The following IREB2 variants were observed in gnomAD, a reference collection of about 807,000 sequenced individuals.
The protein encoded by IREB2 is iron responsive element binding protein 2, also known as iron-responsive element-binding protein 2.
Under a neutral mutation model 118.8 loss-of-function variants are expected in IREB2, and 39 were observed. The observed-to-expected ratio is 0.33, with a 90% CI of 0.25 to 0.43. IREB2 has a LOEUF of 0.43. Ranked by LOEUF, IREB2 falls within the 20% of genes least tolerant of loss-of-function variation. IREB2 has a pLI of 1.00. For missense variants in IREB2, 900 were observed against 1,147.3 expected (o/e 0.78, Z 3.11); for synonymous variants, 372 against 392.2 (o/e 0.95, Z 0.61).
At chr15:78,487,575 G>C (rs1364452861) in intron 13 of IREB2, among the ~76,000 whole-genome samples, 158 bp from the exon 14 acceptor site, 1 of 152,282 alleles carries the variant, frequency 6.6e-6, no homozygotes, top group African/African-American at 2.4e-5. Flanking sequence ...TGATTGCTCA[G>C]AATCTTCTGA....
chr15:78,473,564 A>T, intron 8 of IREB2, 183 bp downstream of exon 8: 1 of 567,310 alleles, frequency 1.8e-6, no homozygotes, highest in Non-Finnish European at 3.1e-6. Flanking sequence ...ACTAATAAAT[A>T]CAAAGAAATT....
chr15:78,450,975 A>G (rs1024191477), intron 2 of IREB2, among the ~76,000 whole-genome samples: 1 of 151,880 alleles, frequency 6.6e-6, no homozygotes, highest in African/African-American at 2.4e-5. Flanking sequence ...AGACTGTAGA[A>G]GCTTATTTCA....
rs1213369386 is a variant in IREB2, at chr15:78,484,839, A to G, written c.1492A>G (p.Lys498Glu). The change falls in exon 12 of 22, where the codon AAG becomes GAG. Residue 498 changes from lysine to glutamate, a missense_variant. Coordinates refer to ENST00000258886, the MANE Select transcript of IREB2 (RefSeq NM_004136.4). ...CATTCATTATGAAGGAAGTGAATAT[A>G]AGCTGTCTCATGGATCAGTGGTCAT... ...VSIHYEGSEYKLSHGSVVIAA... is the reference protein window; with the variant it reads ...VSIHYEGSEYELSHGSVVIAA... The G allele has an allele frequency of 6.2e-7, 1 of 1,613,600 alleles. No individual in the cohort carries two copies. Among genetic ancestry groups the G allele is most frequent in the Non-Finnish European group, 8.5e-7 (1 of 1,179,556 alleles).
At chr15:78,463,733 C>CTT (rs1375875069) in intron 3 of IREB2, among the ~76,000 whole-genome samples, 1 of 152,126 alleles carries the variant, frequency 6.6e-6, no homozygotes, top group Non-Finnish European at 1.5e-5. Context: ...GGCGAGAGTG[C>CTT]AGTAATGCAG....
chr15:78,446,139 G>C (rs1567162017), intron 2 of IREB2, among the ~76,000 whole-genome samples: 2 of 152,172 alleles, frequency 1.3e-5, no homozygotes, highest in Admixed American at 1.3e-4. Flanking sequence ...TTGCCGGTCT[G>C]GTGATCTTGC....
chr15:78,449,326 G>T (rs1206680603), intron 2 of IREB2, among the ~76,000 whole-genome samples: 1 of 152,182 alleles, frequency 6.6e-6, no homozygotes, highest in Non-Finnish European at 1.5e-5. Flanking sequence ...CTAAGTGGTG[G>T]AACAGAAGCA....
At chr15:78,462,872 T>A in intron 2 of IREB2, 50 bp from the exon 3 acceptor site, 1 of 1,341,226 alleles carries the variant, frequency 7.5e-7, no homozygotes, top group South Asian at 1.6e-5. Context: ...TTAAAAATAA[T>A]ATATAGGTAT....
intron 13 of IREB2, among the ~76,000 whole-genome samples, chr15:78,486,466 G>A (rs766464617): frequency 7.2e-5 from 11 of 152,142 alleles, no homozygotes; most frequent in Non-Finnish European, 1.3e-4. Flanking sequence ...TTAGCCAGGC[G>A]TGGTGACGCA....
rs1185793278 is a variant in IREB2 at position 78,493,949 on chromosome 15, G to A, written c.2365G>A (p.Gly789Ser). The change falls in exon 19 of 22, where the codon GGT (glycine) becomes AGT (serine). Residue 789 changes from glycine (G) to serine (S), a missense_variant. Gly to Ser is a moderately conservative substitution (Grantham distance 56). Coordinates refer to ENST00000258886, the MANE Select transcript of IREB2 (RefSeq NM_004136.4). ...ATTCAACTCTTACGGAGCTCGAAGA[G>A]GTAATGATGCTGTAATGACAAGAGG... Reference protein sequence around the residue: ...REFNSYGARRGNDAVMTRGTF... With the variant: ...REFNSYGARRSNDAVMTRGTF... 1 of 1,613,844 alleles carries A rather than the reference G, an allele frequency of 6.2e-7. No homozygotes were observed. The highest frequency in any genetic ancestry group is 1.3e-5 in the African/African-American group (1 of 74,876).
At chr15:78,442,046 A>G (rs1595981670) in intron 2 of IREB2, among the ~76,000 whole-genome samples, 1 of 152,040 alleles carries the variant, frequency 6.6e-6, no homozygotes, top group Admixed American at 6.6e-5. Flanking sequence ...AGCTGGTACT[A>G]TAGGCGTGCA....
intron 3 of IREB2, among the ~76,000 whole-genome samples, chr15:78,463,862 G>A (rs971106028): frequency 2.0e-5 from 3 of 152,136 alleles, no homozygotes; most frequent in African/African-American, 7.2e-5. Context: ...TTGAGTTTTT[G>A]ATTGTCTATC....
intron 21 of IREB2, 56 bp from the exon 22 acceptor site, chr15:78,497,977 C>T: frequency 1.1e-6 from 1 of 939,866 alleles, no homozygotes; most frequent in Non-Finnish European, 1.7e-6. Flanking sequence ...TCTTAACCAT[C>T]AAGTAGCACC....
chr15:78,487,558 T>C (rs540639331), intron 13 of IREB2, among the ~76,000 whole-genome samples, 175 bp from the exon 14 acceptor site: 1 of 152,158 alleles, frequency 6.6e-6, no homozygotes, highest in South Asian at 2.1e-4. Context: ...TGCCTGAGAG[T>C]TAGACTTGAT....
chr15:78,473,625 G>A (rs2051416258), intron 8 of IREB2: 2 of 426,308 alleles, frequency 4.7e-6, no homozygotes, highest in African/African-American at 2.0e-5. Flanking sequence ...AAGCCTGTGA[G>A]ATGGATACTA....
At chr15:78,496,669 TC>T (rs370456223) in intron 20 of IREB2, among the ~76,000 whole-genome samples, 14 of 152,150 alleles carry the variant, frequency 9.2e-5, no homozygotes, top group African/African-American at 3.1e-4. Flanking sequence ...CCTCAAATAA[TC>T]CTTCTGCCTC....
chr15:78,470,180 G>A (rs1897720321), intron 5 of IREB2, among the ~76,000 whole-genome samples: 1 of 152,160 alleles, frequency 6.6e-6, no homozygotes, highest in African/African-American at 2.4e-5. Flanking sequence ...AGCCAGGTGG[G>A]GAGGAAAGTA....
chr15:78,475,708 T>TG (rs2051457879), intron 8 of IREB2: 1 of 151,836 alleles, frequency 6.6e-6, no homozygotes, highest in Non-Finnish European at 1.5e-5. Flanking sequence ...AAAAATTAGC[T>TG]GGGTGCGGTG....
chr15:78,473,611 T>C lies in IREB2; in HGVS notation c.1023+230T>C, dbSNP rs139614134. On this transcript the variant is annotated intron_variant, in intron 8 of 21. Coordinates refer to ENST00000258886, the MANE Select transcript of IREB2 (RefSeq NM_004136.4). ...CTTATGTTAGCTCATTTAGTCCTTA[T>C]AACAAGCCTGTGAGATGGATACTAT... 7.4e-5 allele frequency: 34 copies of C among 461,972 alleles called. No individual in the cohort carries two copies. The East Asian group carries it at 1.0e-3, about 14-fold the overall frequency. 28.6% of individuals were successfully genotyped at this position (461,972 alleles called of 1,614,324 possible).
intron 2 of IREB2, among the ~76,000 whole-genome samples, chr15:78,458,649 C>T (rs907162903): frequency 6.6e-5 from 10 of 152,134 alleles, no homozygotes; most frequent in African/African-American, 2.2e-4. Context: ...CTGAACCCTA[C>T]TCACCTCCCT....
Sources: gnomAD v4.1 joint callset for allele counts (sites outside exome capture counted in the v4.1 genomes callset) on GRCh38, gnomAD v4.1.1 for gene constraint, MANE v1.5 for transcripts, NCBI Gene and HGNC (gene_info 2026-07-23, HGNC 2026-07-21) for gene names.